TRIP11: variants seen among roughly 807,000 people sequenced by gnomAD.
The protein encoded by TRIP11 is thyroid receptor-interacting protein 11.
TRIP11 carries 148 observed loss-of-function variants against 223.1 expected under a neutral mutation model. The observed-to-expected ratio is 0.66, with a 90% CI of 0.58 to 0.76. The LOEUF is 0.76. Ranked by LOEUF, TRIP11 falls within the 30% of genes least tolerant of loss-of-function variation. The probability of loss-of-function intolerance (pLI) is 0.00; values close to 1 mark genes in which losing one functional copy is unlikely to be tolerated. For synonymous variants in TRIP11, 762 were observed against 772.6 expected, an observed-to-expected ratio of 0.99 and a Z score of 0.23; for missense variants, 2,043 against 2,222.0, an observed-to-expected ratio of 0.92 and a Z score of 1.62.
intron 4 of TRIP11, among the ~76,000 whole-genome samples, chr14:92,018,122 T>C (rs1322081746): frequency 1.4e-5 from 2 of 147,940 alleles, no homozygotes; most frequent in African/African-American, 2.5e-5. Flanking sequence ...TGAGACAGGG[T>C]CTTTCTCTGT....
chr14:92,008,487 C>G (rs1188464848), intron 9 of TRIP11, among the ~76,000 whole-genome samples: 1 of 152,152 alleles, frequency 6.6e-6, no homozygotes, highest in African/African-American at 2.4e-5. Flanking sequence ...CTAGGTTCCC[C>G]TCTGTCACAC....
chr14:92,007,607 T>C (rs1247230679), intron 10 of TRIP11, 33 bp downstream of exon 10: 1 of 1,600,482 alleles, frequency 6.2e-7, no homozygotes, highest in Non-Finnish European at 8.6e-7. Context: ...CTTAGTAGAA[T>C]GTGCTGCCTT....
rs781382310 is a variant in TRIP11, at chr14:92,004,541, A to G, written c.3435T>C (p.Thr1145=). The change falls in exon 11 of 21, where the codon ACT becomes ACC. Residue 1145 remains threonine (T), a synonymous_variant. Transcript: ENST00000267622. ...KLQDENKKLS[T]RFESSGQDMF... The stretch of plus-strand genomic sequence containing the variant: ...TATCTTGGCCACTACTTTCAAATCT[A>G]GTGGACAATTTTTTATTTTCATCTT... The G allele has an allele frequency of 6.8e-6, 11 of 1,613,234 alleles. 1 individual carries two copies. The highest frequency in any genetic ancestry group is 7.6e-6 in the Non-Finnish European group (9 of 1,179,914).
Position 91,978,424 on chromosome 14 carries a change from C to G in TRIP11, c.5261-2235G>C, listed in dbSNP as rs1464107625. On this transcript the variant is annotated intron_variant, in intron 16 of 20. Coordinates refer to ENST00000267622, the MANE Select transcript of TRIP11 (RefSeq NM_004239.4). The surrounding 1 kb of genome is among the most constrained non-coding windows in gnomAD (Gnocchi z 4.4). ...CCTGAGACTTCCCTTCTCCTACCTACTTTCCTCTAAAATTAGTAATTTGTA... is the reference window on the plus strand; with the variant it reads ...CCTGAGACTTCCCTTCTCCTACCTAGTTTCCTCTAAAATTAGTAATTTGTA... Among the ~76,000 whole-genome samples the G allele has an allele frequency of 6.6e-6, 1 of 151,946 alleles. No individual in the cohort carries two copies. The highest frequency in any genetic ancestry group is 1.9e-4 in the East Asian group (1 of 5,198).
chr14:92,035,577 A>ATTTT (rs373503456), intron 1 of TRIP11, among the ~76,000 whole-genome samples: 4 of 103,586 alleles, frequency 3.9e-5, no homozygotes, highest in African/African-American at 1.2e-4. Flanking sequence ...TTATTTATTT[A>ATTTT]TTTATTTATT....
rs1166800198 is a variant in TRIP11 at position 91,966,256 on chromosome 14, G to A, written c.*3417C>T. On this transcript the variant is annotated 3_prime_UTR_variant, in exon 21 of 21. Transcript: ENST00000267622. Reference sequence around the variant, plus strand: ...ATTTAACTTTTTAATAAGTTAAAAAGTAAAGACTGGCAAATAATCACAAAT... The same window carrying A: ...ATTTAACTTTTTAATAAGTTAAAAAATAAAGACTGGCAAATAATCACAAAT... The A allele has an allele frequency of 5.6e-6, 1 of 177,444 alleles. No individual in the cohort carries two copies. Among genetic ancestry groups the A allele is most frequent in the African/African-American group, 2.4e-5 (1 of 42,256 alleles). The allele number at this position is 177,444 out of a possible 1,614,324, so 11.0% of individuals were successfully genotyped here. A position where few individuals can be genotyped will look rare whatever the true frequency, so the allele number is the denominator to read the frequency against.
chr14:92,039,476 TG>T, intron 1 of TRIP11, 70 bp downstream of exon 1: 1 of 1,559,468 alleles, frequency 6.4e-7, no homozygotes, highest in Non-Finnish European at 8.8e-7. Context: ...TCCTGACTGA[TG>T]GAAGTAGGGA....
In TRIP11 at chr14:92,004,047, T is replaced by C; in HGVS notation, c.3929A>G (p.Asp1310Gly). Residue 1310 changes from aspartate (D) to glycine (G), a missense_variant, in exon 11 of 21, where the codon GAT becomes GGT. By Grantham distance (94) the Asp-to-Gly change is moderately conservative. Coordinates refer to ENST00000267622, the MANE Select transcript of TRIP11 (RefSeq NM_004239.4). Reference sequence around the variant, plus strand: ...AGAAGACAGCTGGGGTGAAATAATATCAAGTTTTCCTAAAAGAAGATCCTT... The same window carrying C: ...AGAAGACAGCTGGGGTGAAATAATACCAAGTTTTCCTAAAAGAAGATCCTT... The part of the protein sequence containing the change: ...NTKDLLLGKL[D>G]IISPQLSSAS... 2 of 1,614,150 alleles carry C rather than the reference T, an allele frequency of 1.2e-6. No individual in the cohort carries two copies. The highest frequency in any genetic ancestry group is 1.3e-5 in the African/African-American group (1 of 75,046).
chr14:91,988,754 GATT>G (rs1294915831), intron 15 of TRIP11, among the ~76,000 whole-genome samples: 1 of 151,804 alleles, frequency 6.6e-6, no homozygotes, highest in East Asian at 1.9e-4. Context: ...AAGTGATGTT[GATT>G]ATGACTTTGT....
chr14:91,987,856 T>G (rs151335137), intron 16 of TRIP11, among the ~76,000 whole-genome samples: 40 of 152,280 alleles, frequency 2.6e-4, no homozygotes, highest in African/African-American at 8.9e-4. Flanking sequence ...CCATCTACAA[T>G]CATAAAAATC....
intron 19 of TRIP11, 106 bp from the exon 20 acceptor site, chr14:91,972,967 G>T: frequency 1.0e-6 from 1 of 957,068 alleles, no homozygotes; most frequent in Non-Finnish European, 1.5e-6. Context: ...AATTAATCAT[G>T]CCACTTGAAT....
At chr14:92,013,664 A>AG (rs1458578734) in intron 7 of TRIP11, among the ~76,000 whole-genome samples, 20 of 152,384 alleles carry the variant, frequency 1.3e-4, no homozygotes, top group Admixed American at 3.9e-4. Flanking sequence ...ACCCAATATG[A>AG]TAAGTAAGTA....
At chr14:92,011,526 A>G (rs370978461) in intron 8 of TRIP11, among the ~76,000 whole-genome samples, 1 of 151,590 alleles carries the variant, frequency 6.6e-6, no homozygotes, top group Non-Finnish European at 1.5e-5. Context: ...AACACTTATA[A>G]AAGTGTCTAA....
chr14:91,979,020 G>A (rs533468672), intron 16 of TRIP11, among the ~76,000 whole-genome samples: 2 of 152,222 alleles, frequency 1.3e-5, no homozygotes, highest in Non-Finnish European at 2.9e-5. Context: ...GCTTTGCGAG[G>A]CCGAGGTAAG....
At chr14:92,025,922 AT>A (rs2057180137) in intron 2 of TRIP11, among the ~76,000 whole-genome samples, 1 of 152,106 alleles carries the variant, frequency 6.6e-6, no homozygotes, top group South Asian at 2.1e-4. Context: ...TACAGACAGA[AT>A]ATGCATAATT....
chr14:92,032,725 C>T (rs1340985464), intron 2 of TRIP11, among the ~76,000 whole-genome samples: 1 of 150,570 alleles, frequency 6.6e-6, no homozygotes, highest in Non-Finnish European at 1.5e-5. Context: ...CCCAGCTACT[C>T]GGGGGGCTGA....
chr14:91,971,297 C>T (rs1322329396), intron 20 of TRIP11, among the ~76,000 whole-genome samples: 1 of 152,176 alleles, frequency 6.6e-6, no homozygotes, highest in Non-Finnish European at 1.5e-5. Context: ...TCTTAGGGTT[C>T]CCAAGCCGTA....
rs576233254 is a variant in TRIP11, at chr14:92,007,760, T to C, written c.1407A>G (p.Leu469=). 45 of 1,613,744 alleles carry C rather than the reference T, an allele frequency of 2.8e-5. No homozygotes were observed. The South Asian group carries it at 4.8e-4, about 17-fold the overall frequency. Residue 469 remains leucine, a synonymous_variant, in exon 10 of 21, where the codon TTA becomes TTG. Transcript: ENST00000267622. Reference sequence around the variant, plus strand: ...CCTCCAAATTAAGTCTTAAGTCATGTAATTCTGAATCCAAACTTATGTCTC... The same window carrying C: ...CCTCCAAATTAAGTCTTAAGTCATGCAATTCTGAATCCAAACTTATGTCTC... The part of the protein sequence containing the change: ...ATRDISLDSE[L]HDLRLNLEAK...
intron 18 of TRIP11, 42 bp from the exon 19 acceptor site, chr14:91,974,785 G>GAA (rs370006254): frequency 8.7e-4 from 920 of 1,053,806 alleles, no homozygotes; most frequent in Non-Finnish European, 1.0e-3. Context: ...ATCAGTACAA[G>GAA]AAAAAAAAAA....
Sources: allele counts gnomAD v4.1 joint callset (sites outside exome capture counted in the v4.1 genomes callset), GRCh38; gene constraint gnomAD v4.1.1; non-coding constraint Gnocchi (gnomAD v3.1); transcripts MANE v1.5; gene names NCBI Gene and HGNC (gene_info 2026-07-23, HGNC 2026-07-21).